The following CYP2B6 variants were observed in gnomAD, a reference collection of about 807,000 sequenced individuals.
The protein encoded by CYP2B6 is cytochrome P450 2B6.
Under a neutral mutation model 43.4 loss-of-function variants are expected in CYP2B6, and 35 were observed. That is an observed-to-expected ratio of 0.81 (90% CI 0.62 to 1.07). The LOEUF is 1.07. Ranked by LOEUF, CYP2B6 falls within the 50% of genes least tolerant of loss-of-function variation. The probability of loss-of-function intolerance (pLI) is 0.00; values close to 1 mark genes in which losing one functional copy is unlikely to be tolerated. For synonymous variants in CYP2B6, 239 were observed against 239.2 expected, an observed-to-expected ratio of 1.00 and a Z score of 0.01; for missense variants, 624 against 632.8, an observed-to-expected ratio of 0.99 and a Z score of 0.15.
intron 3 of CYP2B6, among the ~76,000 whole-genome samples, chr19:41,005,500 G>A (rs1969163380): frequency 1.4e-5 from 2 of 141,602 alleles, no homozygotes; most frequent in African/African-American, 6.3e-5. Flanking sequence ...AAAAAATATA[G>A]GTTGGGTATG....
At chr19:41,006,253 T>A (rs182363834) in intron 3 of CYP2B6, among the ~76,000 whole-genome samples, 203 of 151,786 alleles carry the variant, frequency 1.3e-3, no homozygotes, top group African/African-American at 4.8e-3. Flanking sequence ...CCTGGGCCCA[T>A]GTGATCCTCC....
In CYP2B6 at chr19:41,012,348, G is replaced by C; in HGVS notation, c.1015G>C (p.Glu339Gln). 6.2e-7 allele frequency: 1 copy of C among 1,614,132 alleles called. No individual in the cohort carries two copies. The highest frequency in any genetic ancestry group is 1.6e-4 in the Middle Eastern group (1 of 6,062). The change falls in exon 7 of 9, where the codon GAG becomes CAG. Residue 339 changes from glutamate to glutamine, a missense_variant. Glu to Gln is a conservative substitution (Grantham distance 29, BLOSUM62 2). Transcript: ENST00000324071. ...GGTGATTGGCCCACATCGCCCTCCA[G>C]AGCTTCATGACCGAGCCAAAATGCC... ...EQVIGPHRPP[E>Q]LHDRAKMPYT...
chr19:40,997,672 T>A (rs1237074108), intron 1 of CYP2B6, among the ~76,000 whole-genome samples: 1 of 152,184 alleles, frequency 6.6e-6, no homozygotes, highest in African/African-American at 2.4e-5. Flanking sequence ...ACTGTCACTT[T>A]ACCTGGAAGA....
rs1292251645 is a variant in CYP2B6, at chr19:41,016,698, C to T, written c.1347C>T (p.Phe449=). The change falls in exon 9 of 9, where the codon TTC becomes TTT. Residue 449 remains phenylalanine (F), a synonymous_variant. Transcript: ENST00000324071. The part of the protein sequence containing the change: ...EGIARAELFL[F]FTTILQNFSM... ...TCGCCCGTGCGGAATTGTTCCTCTT[C>T]TTCACCACCATCCTCCAGAACTTCT... 6.2e-7 allele frequency: 1 copy of T among 1,614,248 alleles called. No individual in the cohort carries two copies. Among genetic ancestry groups the T allele is most frequent in the Non-Finnish European group, 8.5e-7 (1 of 1,180,038 alleles).
At chr19:41,003,969 A>G (rs933304664) in intron 1 of CYP2B6, 32 bp from the exon 2 acceptor site, 6 of 1,606,816 alleles carry the variant, frequency 3.7e-6, no homozygotes, top group Non-Finnish European at 4.3e-6. Flanking sequence ...ATGCTGACTA[A>G]CAGCCACCCC....
chr19:40,993,550 G>A (rs1367000669), intron 1 of CYP2B6, among the ~76,000 whole-genome samples: 1 of 152,010 alleles, frequency 6.6e-6, no homozygotes, highest in African/African-American at 2.4e-5. Flanking sequence ...GAACAGCATG[G>A]GGGAAACCGC....
At chr19:40,994,372 A>G (rs1968968466) in intron 1 of CYP2B6, among the ~76,000 whole-genome samples, 1 of 152,184 alleles carries the variant, frequency 6.6e-6, no homozygotes, top group Admixed American at 6.5e-5. Context: ...AGCAGAGATC[A>G]GTTAGATTTG....
At position 40,991,493 on chromosome 19, in the gene CYP2B6, T is replaced by C. The variant is rs1330480420; in HGVS notation, c.171+17T>C. Reference sequence around the variant, plus strand: ...TTTCTGAGGGTAAGACACAGACGAATGGGGTCTGAGGGTGAGCTGCTTCTT... The same window carrying C: ...TTTCTGAGGGTAAGACACAGACGAACGGGGTCTGAGGGTGAGCTGCTTCTT... On this transcript the variant is annotated intron_variant, in intron 1 of 8. Coordinates refer to ENST00000324071, the MANE Select transcript of CYP2B6 (RefSeq NM_000767.5). The C allele has an allele frequency of 1.2e-6, 2 of 1,612,904 alleles. No homozygotes were observed. The highest frequency in any genetic ancestry group is 2.2e-5 in the East Asian group (1 of 44,880).
intron 3 of CYP2B6, 133 bp from the exon 4 acceptor site, chr19:41,006,772 C>T: frequency 1.2e-6 from 1 of 822,830 alleles, no homozygotes; most frequent in Non-Finnish European, 2.0e-6. Flanking sequence ...CGTGCTGGTA[C>T]ATAATTAGCT....
rs193922917 is a variant in CYP2B6 at position 41,010,108 on chromosome 19, C to T, written c.937C>T (p.Leu313Phe). ...CACCACTCTCCGCTACGGCTTCCTG[C>T]TCATGCTCAAATACCCTCATGTTGC... ...TSTTLRYGFL[L>F]MLKYPHVAER... The change falls in exon 6 of 9, where the codon CTC becomes TTC. Residue 313 changes from leucine to phenylalanine, a missense_variant. Transcript: ENST00000324071. 6.2e-7 allele frequency: 1 copy of T among 1,613,712 alleles called. No homozygotes were observed. Among genetic ancestry groups the T allele is most frequent in the Middle Eastern group, 1.7e-4 (1 of 5,772 alleles).
At chr19:40,998,553 C>T (rs1458143556) in intron 1 of CYP2B6, among the ~76,000 whole-genome samples, 1 of 141,344 alleles carries the variant, frequency 7.1e-6, no homozygotes, top group Non-Finnish European at 1.5e-5. Context: ...AGGTATATCT[C>T]CCAATGCTAT....
intron 4 of CYP2B6, among the ~76,000 whole-genome samples, chr19:41,008,893 T>C (rs933387534): frequency 4.0e-5 from 6 of 150,686 alleles, no homozygotes; most frequent in Admixed American, 4.0e-4. Context: ...GAGAAAAGTA[T>C]GAGAAAGACA....
chr19:41,007,432 CA>C, intron 4 of CYP2B6: 1 of 231,968 alleles, frequency 4.3e-6, no homozygotes, highest in Non-Finnish European at 8.5e-6. Context: ...CTTTGGGCTT[CA>C]TGTCTATTCT....
intron 8 of CYP2B6, 126 bp downstream of exon 8, chr19:41,012,941 A>C: frequency 2.8e-6 from 3 of 1,080,698 alleles, no homozygotes; most frequent in Non-Finnish European, 4.2e-6. Context: ...CACCTGCCTT[A>C]TCCCATTCCA....
At chr19:41,010,394 GT>G (rs1969262805) in intron 6 of CYP2B6, among the ~76,000 whole-genome samples, 1 of 148,252 alleles carries the variant, frequency 6.7e-6, no homozygotes, top group Non-Finnish European at 1.5e-5. Flanking sequence ...TTGTTTGTTT[GT>G]TTTTTGTTTT....
Position 41,004,105 on chromosome 19 carries a change from T to C in CYP2B6, c.276T>C (p.Ala92=). The C allele has an allele frequency of 6.2e-7, 1 of 1,602,896 alleles. No individual in the cohort carries two copies. Among genetic ancestry groups the C allele is most frequent in the Middle Eastern group, 1.7e-4 (1 of 6,010 alleles). The change falls in exon 2 of 9, where the codon GCT becomes GCC. Residue 92 remains alanine (A), a synonymous_variant. Transcript: ENST00000324071. ...EAIREALVDK[A]EAFSGRGKIA... Reference sequence around the variant, plus strand: ...TACGGGAGGCCCTTGTGGACAAGGCTGAGGCCTTCTCTGGCCGGGGAAAAA... The same window carrying C: ...TACGGGAGGCCCTTGTGGACAAGGCCGAGGCCTTCTCTGGCCGGGGAAAAA...
chr19:40,996,601 G>C (rs1969003178), intron 1 of CYP2B6, among the ~76,000 whole-genome samples: 1 of 152,068 alleles, frequency 6.6e-6, no homozygotes. Context: ...CCAAATATTA[G>C]TTATAAACCA....
At chr19:41,008,299 C>T (rs1969226192) in intron 4 of CYP2B6, among the ~76,000 whole-genome samples, 1 of 150,576 alleles carries the variant, frequency 6.6e-6, no homozygotes, top group South Asian at 2.2e-4. Flanking sequence ...GCCACCTCCA[C>T]CTCCCAGGTT....
chr19:40,999,465 G>A (rs1289382211), intron 1 of CYP2B6, among the ~76,000 whole-genome samples: 1 of 151,968 alleles, frequency 6.6e-6, no homozygotes, highest in African/African-American at 2.4e-5. Flanking sequence ...GTTGCCATTG[G>A]TTTTGGTTTT....
Sources: allele counts gnomAD v4.1 joint callset (sites outside exome capture counted in the v4.1 genomes callset), GRCh38; gene constraint gnomAD v4.1.1; transcripts MANE v1.5; gene names NCBI Gene and HGNC (gene_info 2026-07-23, HGNC 2026-07-21).